Variants in SHISA9 observed in about 807,000 individuals in gnomAD.
SHISA9 encodes shisa family member 9.
SHISA9 carries 13 observed loss-of-function variants against 38.0 expected under a neutral mutation model. That is an observed-to-expected ratio of 0.34 (90% CI 0.22 to 0.54). The LOEUF is 0.54. SHISA9 is among the 20% of genes least tolerant of loss of function. The pLI is 0.91. For missense variants in SHISA9, 538 were observed against 575.8 expected, an observed-to-expected ratio of 0.93 and a Z score of 0.67; for synonymous variants, 275 against 242.0, an observed-to-expected ratio of 1.14 and a Z score of -1.27.
chr16:13,487,402 A>G, the SHISA9 span, among the ~76,000 whole-genome samples: 2 of 152,234 alleles, frequency 1.3e-5, no homozygotes, highest in Admixed American at 1.3e-4. Context: ...GGAAGCTTAC[A>G]ATCATGGCAG....
the SHISA9 span, among the ~76,000 whole-genome samples, chr16:13,304,542 G>T: frequency 6.6e-6 from 1 of 152,196 alleles, no homozygotes; most frequent in African/African-American, 2.4e-5. Context: ...ACAGATGTGA[G>T]CCACTGTGCC....
intron 2 of SHISA9, among the ~76,000 whole-genome samples, chr16:13,036,783 A>G (rs1335046404): frequency 6.6e-6 from 1 of 151,200 alleles, no homozygotes; most frequent in Admixed American, 6.6e-5. Context: ...AAGGCAATTC[A>G]GGACCACGGA....
At chr16:13,184,744 A>G (rs746824882) in intron 2 of SHISA9, among the ~76,000 whole-genome samples, 6 of 152,236 alleles carry the variant, frequency 3.9e-5, no homozygotes, top group Non-Finnish European at 8.8e-5. Context: ...TCTCTAACTT[A>G]GCATGATGCA....
At chr16:13,079,865 A>G (rs2073627165) in intron 2 of SHISA9, among the ~76,000 whole-genome samples, 2 of 152,272 alleles carry the variant, frequency 1.3e-5, no homozygotes, top group South Asian at 2.1e-4. Flanking sequence ...TTTTTTTAAC[A>G]TATAATTATG....
the SHISA9 span, among the ~76,000 whole-genome samples, chr16:13,428,454 T>C: frequency 6.6e-6 from 1 of 152,190 alleles, no homozygotes; most frequent in African/African-American, 2.4e-5. Flanking sequence ...TTGGGTTTTA[T>C]AGACACAAAC....
rs534080308 is a variant in SHISA9 at position 12,988,259 on chromosome 16, G to A, written c.691+71444G>A. Reference sequence around the variant, plus strand: ...TTAGTCAGTTAAATTCTTCATGGCTGTTGACACGTCAATACGCTTGACTTG... The same window carrying A: ...TTAGTCAGTTAAATTCTTCATGGCTATTGACACGTCAATACGCTTGACTTG... On this transcript the variant is annotated intron_variant, in intron 2 of 4. Transcript: ENST00000558583. 4.6e-5 allele frequency among the ~76,000 whole-genome samples: 7 copies of A among 152,278 alleles called. No homozygotes were observed. In the East Asian group the frequency reaches 1.4e-3, roughly 29 times the overall value.
At chr16:12,952,125 A>G (rs975248948) in intron 2 of SHISA9, among the ~76,000 whole-genome samples, 1 of 152,212 alleles carries the variant, frequency 6.6e-6, no homozygotes, top group Non-Finnish European at 1.5e-5. Flanking sequence ...TTTTCAATTG[A>G]GAGCAATTAA....
intron 2 of SHISA9, among the ~76,000 whole-genome samples, chr16:12,952,013 A>G (rs2071764299): frequency 6.6e-6 from 1 of 152,212 alleles, no homozygotes; most frequent in Non-Finnish European, 1.5e-5. Flanking sequence ...CAACTGGTCT[A>G]CCCTGGAAGG....
At chr16:12,970,483 A>ATACATATATGTGTG (rs1390004992) in intron 2 of SHISA9, among the ~76,000 whole-genome samples, 8 of 22,882 alleles carry the variant, frequency 3.5e-4, no homozygotes, top group African/African-American at 1.3e-3. Context: ...ATATATATAT[A>ATACATATATGTGTG]TATATATATA....
intron 2 of SHISA9, among the ~76,000 whole-genome samples, chr16:12,933,196 C>G (rs117051967): frequency 1.3e-5 from 2 of 152,128 alleles, no homozygotes; most frequent in Non-Finnish European, 2.9e-5. Context: ...TTTATATTCT[C>G]TAAGCTATTT....
At chr16:13,196,462 A>G (rs1016789331) in intron 2 of SHISA9, among the ~76,000 whole-genome samples, 2 of 152,090 alleles carry the variant, frequency 1.3e-5, no homozygotes, top group African/African-American at 4.8e-5. Flanking sequence ...GTACCCCTCA[A>G]AACTGTCAAA....
the SHISA9 span, among the ~76,000 whole-genome samples, chr16:13,433,572 A>G: frequency 1.3e-5 from 2 of 152,220 alleles, no homozygotes; most frequent in Admixed American, 1.3e-4. Context: ...GTAATGGTTA[A>G]AGCAAGGATG....
chr16:13,053,198 G>A (rs999240945), intron 2 of SHISA9, among the ~76,000 whole-genome samples: 12 of 151,514 alleles, frequency 7.9e-5, no homozygotes, highest in Non-Finnish European at 1.2e-4. Flanking sequence ...TCTGACCTCC[G>A]GTGATCCGCC....
At chr16:13,139,468 C>G (rs888551421) in intron 2 of SHISA9, among the ~76,000 whole-genome samples, 1 of 147,474 alleles carries the variant, frequency 6.8e-6, no homozygotes, top group East Asian at 2.0e-4. Context: ...TTCTCTCTCT[C>G]TCTTCCTTCC....
chr16:13,252,772 G>A, the SHISA9 span, among the ~76,000 whole-genome samples: 3 of 152,140 alleles, frequency 2.0e-5, no homozygotes, highest in African/African-American at 7.2e-5. Flanking sequence ...AAATCTTTGA[G>A]TGCTCCCATA....
At position 12,915,001 on chromosome 16, in the gene SHISA9, C is replaced by T. The variant is rs116307865; in HGVS notation, c.564-1687C>T. Among the ~76,000 whole-genome samples, 519 of 152,292 alleles carry T rather than the reference C, an allele frequency of 3.4e-3. 6 individuals are homozygous for T. The highest frequency in any genetic ancestry group is 0.012 in the African/African-American group (508 of 41,568). ...GCCTGCTGAATTCATGGGTGGTCTG[C>T]GTGGGTTGCCCCCAAACAGCTCCTC... On this transcript the variant is annotated intron_variant, in intron 1 of 4. Transcript: ENST00000558583.
the SHISA9 span, among the ~76,000 whole-genome samples, chr16:13,260,379 C>A: frequency 6.6e-6 from 1 of 152,060 alleles, no homozygotes. Context: ...CTCTGCTTCC[C>A]TTATAAAGCT....
At chr16:13,379,966 G>A in the SHISA9 span, among the ~76,000 whole-genome samples, 1 of 152,120 alleles carries the variant, frequency 6.6e-6, no homozygotes, top group Non-Finnish European at 1.5e-5. Context: ...TTTTGAGAGT[G>A]TATGAAGGGC....
the SHISA9 span, among the ~76,000 whole-genome samples, chr16:13,251,307 C>G: frequency 6.6e-6 from 1 of 152,150 alleles, no homozygotes; most frequent in East Asian, 1.9e-4. Context: ...TCTTGATCCC[C>G]GCTTCACCTG....
Sources: gnomAD v4.1 joint callset for allele counts (sites outside exome capture counted in the v4.1 genomes callset) on GRCh38, gnomAD v4.1.1 for gene constraint, MANE v1.5 for transcripts, NCBI Gene and HGNC (gene_info 2026-07-23, HGNC 2026-07-21) for gene names.